The following SINHCAF variants were observed in gnomAD, a reference collection of about 807,000 sequenced individuals.
SINHCAF encodes SIN3-HDAC complex-associated factor.
SINHCAF carries 3 observed loss-of-function variants against 25.8 expected under a neutral mutation model. That is an observed-to-expected ratio of 0.12 (90% CI 0.05 to 0.30). The LOEUF (loss-of-function observed/expected upper bound fraction) is 0.30. Among genes scored for constraint, SINHCAF ranks in the 10% least tolerant of loss-of-function variants. SINHCAF has a pLI of 1.00. For missense variants in SINHCAF, 121 were observed against 262.3 expected (o/e 0.46, Z 3.72); for synonymous variants, 70 against 85.5 (o/e 0.82, Z 1.00).
At chr12:31,308,059 C>A (rs535248396) in intron 1 of SINHCAF, among the ~76,000 whole-genome samples, 9 of 152,334 alleles carry the variant, frequency 5.9e-5, no homozygotes, top group African/African-American at 2.2e-4. Context: ...CCTGCCTCAG[C>A]CTCCCATGTA....
intron 1 of SINHCAF, chr12:31,311,850 G>A: frequency 2.1e-6 from 1 of 480,246 alleles, no homozygotes. Context: ...TCCCAGCGTT[G>A]ATGATGCTAA....
chr12:31,293,782 TA>T, intron 4 of SINHCAF, 22 bp downstream of exon 4: 1 of 1,589,258 alleles, frequency 6.3e-7, no homozygotes, highest in Non-Finnish European at 8.5e-7. Flanking sequence ...TATTAAGTAC[TA>T]ATGTTGTAAT....
chr12:31,303,052 G>GAA (rs79987649), intron 1 of SINHCAF: 1 of 954,158 alleles, frequency 1.0e-6, no homozygotes, highest in African/African-American at 1.8e-5. Flanking sequence ...CCCTGAAATA[G>GAA]AAAAAAAAAA....
intron 4 of SINHCAF, among the ~76,000 whole-genome samples, chr12:31,289,769 C>T (rs932521117): frequency 6.6e-5 from 10 of 151,002 alleles, no homozygotes; most frequent in African/African-American, 2.4e-4. Context: ...TTACATGCTG[C>T]ATGGAAAGAA....
intron 1 of SINHCAF, chr12:31,312,057 C>A: frequency 1.9e-6 from 1 of 535,760 alleles, no homozygotes; most frequent in South Asian, 1.5e-5. Flanking sequence ...TACCAGCAGT[C>A]TACAGGTGTC....
chr12:31,296,025 T>A (rs961514629), intron 2 of SINHCAF, among the ~76,000 whole-genome samples: 16 of 144,686 alleles, frequency 1.1e-4, no homozygotes, highest in South Asian at 2.2e-4. Flanking sequence ...TACTTTAAAA[T>A]TTTTTTTTTT....
At chr12:31,303,072 G>T in intron 1 of SINHCAF, 4 of 985,248 alleles carry the variant, frequency 4.1e-6, no homozygotes, top group Non-Finnish European at 4.8e-6. Flanking sequence ...ATCATTTCAA[G>T]ATGTTTTTCA....
intron 3 of SINHCAF, 74 bp from the exon 4 acceptor site, chr12:31,294,005 C>T: frequency 8.0e-7 from 1 of 1,256,116 alleles, no homozygotes; most frequent in Middle Eastern, 1.9e-4. Flanking sequence ...CAGATCCGTG[C>T]CTATTTGAGA....
chr12:31,289,809 T>A (rs1282861395), intron 4 of SINHCAF, among the ~76,000 whole-genome samples: 2 of 152,052 alleles, frequency 1.3e-5, no homozygotes, highest in Non-Finnish European at 2.9e-5. Context: ...GGTTTTTTTT[T>A]TTTTTTAATT....
At chr12:31,298,989 G>A (rs567157475) in intron 1 of SINHCAF, among the ~76,000 whole-genome samples, 1 of 151,902 alleles carries the variant, frequency 6.6e-6, no homozygotes, top group East Asian at 1.9e-4. Flanking sequence ...GTAACAGTGG[G>A]AGGCAAATGT....
At chr12:31,293,021 C>T (rs939598627) in intron 4 of SINHCAF, among the ~76,000 whole-genome samples, 2 of 152,162 alleles carry the variant, frequency 1.3e-5, no homozygotes, top group Admixed American at 1.3e-4. Flanking sequence ...CTGGCATGAC[C>T]TAAACTATGA....
chr12:31,308,185 C>T (rs1010403552), intron 1 of SINHCAF, among the ~76,000 whole-genome samples: 1 of 152,178 alleles, frequency 6.6e-6, no homozygotes, highest in African/African-American at 2.4e-5. Context: ...AAGTATCTGC[C>T]CACCTCAGCT....
At position 31,298,602 on chromosome 12, in the gene SINHCAF, C is replaced by T. The variant is rs142843102; in HGVS notation, c.-20-378G>A. The stretch of plus-strand genomic sequence containing the variant: ...ATGCATCCTTAAATTTAAGACACAC[C>T]TTTTTATTTTGCACATTTGCATTAA... On this transcript the variant is annotated intron_variant, in intron 1 of 5. Coordinates refer to ENST00000337682, the MANE Select transcript of SINHCAF (RefSeq NM_001135812.2). 982 of 247,530 alleles carry T rather than the reference C, an allele frequency of 4.0e-3. 15 individuals carry two copies. Among genetic ancestry groups the T allele is most frequent in the African/African-American group, 0.021 (931 of 44,436 alleles). 15.3% of individuals were successfully genotyped at this position (247,530 alleles called of 1,614,324 possible). A position where few individuals can be genotyped will look rare whatever the true frequency, so the allele number is the denominator to read the frequency against.
chr12:31,316,124 T>C (rs1939486982), intron 1 of SINHCAF, among the ~76,000 whole-genome samples: 1 of 152,036 alleles, frequency 6.6e-6, no homozygotes, highest in South Asian at 2.1e-4. Context: ...GAGCCGAGAT[T>C]GTGCCACTGC....
intron 1 of SINHCAF, among the ~76,000 whole-genome samples, chr12:31,319,471 G>GAGCCA (rs1287161675): frequency 4.6e-5 from 7 of 152,208 alleles, no homozygotes; most frequent in African/African-American, 1.7e-4. Flanking sequence ...AGGTTGCAGT[G>GAGCCA]AGCCAAGATC....
At chr12:31,317,600 T>C (rs1185646299) in intron 1 of SINHCAF, among the ~76,000 whole-genome samples, 1 of 152,128 alleles carries the variant, frequency 6.6e-6, no homozygotes, top group Non-Finnish European at 1.5e-5. Flanking sequence ...TACTTTCACT[T>C]TACTACCTCC....
At chr12:31,285,486 A>C (rs188139831) in intron 5 of SINHCAF, among the ~76,000 whole-genome samples, 3 of 151,118 alleles carry the variant, frequency 2.0e-5, no homozygotes, top group African/African-American at 7.3e-5. Context: ...ATATTGTATG[A>C]TTTTTACATA....
At chr12:31,314,179 G>C (rs1341488986) in intron 1 of SINHCAF, among the ~76,000 whole-genome samples, 1 of 152,008 alleles carries the variant, frequency 6.6e-6, no homozygotes, top group Non-Finnish European at 1.5e-5. Flanking sequence ...CAGACAAGGA[G>C]AAAGAGATGG....
chr12:31,317,295 A>AT (rs1202348455), intron 1 of SINHCAF, among the ~76,000 whole-genome samples: 1 of 152,052 alleles, frequency 6.6e-6, no homozygotes, highest in Non-Finnish European at 1.5e-5. Context: ...CTAGCTTCTA[A>AT]TTATCATTTT....
Sources: allele counts gnomAD v4.1 joint callset (sites outside exome capture counted in the v4.1 genomes callset), GRCh38; gene constraint gnomAD v4.1.1; transcripts MANE v1.5; gene names NCBI Gene and HGNC (gene_info 2026-07-23, HGNC 2026-07-21).